CPAMD8: variants seen among roughly 807,000 people sequenced by gnomAD.
CPAMD8 encodes the protein C3 and PZP like alpha-2-macroglobulin domain containing 8, also known as C3 and PZP-like alpha-2-macroglobulin domain-containing protein 8.
CPAMD8 carries 146 observed loss-of-function variants against 224.7 expected under a neutral mutation model. That is an observed-to-expected ratio of 0.65 (90% CI 0.57 to 0.75). The LOEUF is 0.75. Ranked by LOEUF, CPAMD8 falls within the 30% of genes least tolerant of loss-of-function variation. The probability of loss-of-function intolerance (pLI) is 0.00; values close to 1 mark genes in which losing one functional copy is unlikely to be tolerated. For missense variants in CPAMD8, 2,301 were observed against 2,537.5 expected (o/e 0.91, Z 2.00); for synonymous variants, 966 against 1,044.6 (o/e 0.92, Z 1.45).
chr19:16,977,056 A>G (rs2055303245), intron 15 of CPAMD8, among the ~76,000 whole-genome samples: 2 of 150,134 alleles, frequency 1.3e-5, no homozygotes. Context: ...TAATAATAAT[A>G]ATAATAAAGT....
chr19:16,973,146 G>C (rs147598754), intron 17 of CPAMD8, among the ~76,000 whole-genome samples: 1 of 152,146 alleles, frequency 6.6e-6, no homozygotes, highest in Admixed American at 6.6e-5. Context: ...ACCAGCCTGG[G>C]TGACAAAGTG....
rs532881476 is a variant in CPAMD8 at position 16,943,134 on chromosome 19, GC to G, written c.2793+2414del. Among the ~76,000 whole-genome samples, 145 of 150,672 alleles carry G rather than the reference GC, an allele frequency of 9.6e-4. No homozygotes were observed. The Middle Eastern group carries it at 0.01, about 11-fold the overall frequency. ...GGACTCAAGCAATCCTCCCTCCTCAGCCTCCTGAGGAGCTGGGACTACAGGT... is the reference window on the plus strand; with the variant it reads ...GGACTCAAGCAATCCTCCCTCCTCAGCTCCTGAGGAGCTGGGACTACAGGT... On this transcript the variant is annotated intron_variant, in intron 22 of 41. Coordinates refer to ENST00000443236, the MANE Select transcript of CPAMD8 (RefSeq NM_015692.5).
In CPAMD8 at chr19:16,962,736, A is replaced by G. The variant is rs533937585; in HGVS notation, c.2214-4821T>C. On this transcript the variant is annotated intron_variant, in intron 18 of 41. Transcript: ENST00000443236. ...AGGAAGAGCAACCCCAAGACACATA[A>G]TTGTCAGATTCACCAAAGTTGAAAT... Among the ~76,000 whole-genome samples, 25 of 152,340 alleles carry G rather than the reference A, an allele frequency of 1.6e-4. No individual in the cohort carries two copies. In the South Asian group the frequency reaches 5.2e-3, roughly 32 times the overall value.
chr19:16,966,306 T>G (rs2054825876), intron 18 of CPAMD8, among the ~76,000 whole-genome samples: 1 of 152,216 alleles, frequency 6.6e-6, no homozygotes, highest in African/African-American at 2.4e-5. Flanking sequence ...AAGCTGAAAC[T>G]GGATCCCTTC....
intron 26 of CPAMD8, 45 bp from the exon 27 acceptor site, chr19:16,922,031 CCCAGGCCCG>C (rs1408130820): frequency 2.2e-6 from 3 of 1,348,000 alleles, no homozygotes; most frequent in Non-Finnish European, 3.1e-6. Flanking sequence ...AGTGGCCTGG[CCCAGGCCCG>C]CCCCCAGGGA....
intron 25 of CPAMD8, among the ~76,000 whole-genome samples, chr19:16,926,834 CT>C: frequency 6.6e-6 from 1 of 152,304 alleles, no homozygotes; most frequent in African/African-American, 2.4e-5. Flanking sequence ...TCAGTTCCAT[CT>C]TAGTCACTCA....
intron 30 of CPAMD8, among the ~76,000 whole-genome samples, chr19:16,906,356 TTCTTTCTTTCTTTCTTTCTTTC>T (rs1401170309): frequency 2.4e-5 from 1 of 42,484 alleles, no homozygotes; most frequent in Non-Finnish European, 5.3e-5. Context: ...CTTTCTTTCT[TTCTTTCTTTCTTTCTTTCTTTC>T]TTTCTTTCTT....
intron 16 of CPAMD8, 99 bp downstream of exon 16, chr19:16,975,903 G>A: frequency 4.8e-6 from 6 of 1,245,696 alleles, no homozygotes; most frequent in Non-Finnish European, 6.4e-6. Flanking sequence ...GGATTCAAAT[G>A]CCACTCTTCA....
In CPAMD8 at chr19:16,893,347, T is replaced by C. The variant is rs1419085301; in HGVS notation, c.5427-8A>G. ...CGAGGCCCGGCTGTGACCCTGGAGA[T>C]GAGGTTTTATCTTACAACATCCTCT... is the stretch of plus-strand genomic sequence containing the variant. On this transcript the variant is annotated splice_polypyrimidine_tract_variant and splice_region_variant and intron_variant, in intron 41 of 41. Transcript: ENST00000443236. 6.6e-7 allele frequency: 1 copy of C among 1,512,214 alleles called. No homozygotes were observed. The highest frequency in any genetic ancestry group is 1.2e-5 in the South Asian group (1 of 83,088). The allele number at this position is 1,512,214 out of a possible 1,614,324, so 93.7% of individuals were successfully genotyped here.
At chr19:16,969,946 C>G (rs2054993608) in intron 18 of CPAMD8, among the ~76,000 whole-genome samples, 2 of 150,358 alleles carry the variant, frequency 1.3e-5, no homozygotes, top group African/African-American at 4.9e-5. Flanking sequence ...TTAAAAACAC[C>G]TATTATTGCC....
At position 16,977,060 on chromosome 19, in the gene CPAMD8, A is replaced by ATAC. The variant is rs1351851494; in HGVS notation, c.1758+307_1758+308insGTA. 6.0e-5 allele frequency among the ~76,000 whole-genome samples: 9 copies of ATAC among 150,806 alleles called. No homozygotes were observed. The East Asian group carries it at 1.8e-3, about 29-fold the overall frequency. ...CCGTCTCAAAATAATAATAATAATAATAAAGTTGTTGCAGGGAGGGGGAGA... is the reference window on the plus strand; with the variant it reads ...CCGTCTCAAAATAATAATAATAATAATACTAAAGTTGTTGCAGGGAGGGGGAGA... On this transcript the variant is annotated intron_variant, in intron 15 of 41. Transcript: ENST00000443236.
chr19:16,907,149 G>A (rs1467184188), intron 29 of CPAMD8, 32 bp from the exon 30 acceptor site: 4 of 1,509,326 alleles, frequency 2.7e-6, no homozygotes, highest in Non-Finnish European at 1.8e-6. Flanking sequence ...TGAAACCTGG[G>A]AGGCTGCTCT....
In CPAMD8 at chr19:16,903,576, G is replaced by A. The variant is rs144798490; in HGVS notation, c.4455C>T (p.Gly1485=). ...TGLFVSAKGD[G]CCLMQIDVTY... ...AAAACCTCACCTGCATCAGGCAGCA[G>A]CCGTCCCCCTTGGCACTCACAAACA... Residue 1485 remains glycine, a synonymous_variant, in exon 34 of 42, where the codon GGC becomes GGT. Coordinates refer to ENST00000443236, the MANE Select transcript of CPAMD8 (RefSeq NM_015692.5). The A allele has an allele frequency of 1.3e-3, 2,074 of 1,614,136 alleles. 22 individuals carry two copies. The South Asian group carries it at 0.014, about 11-fold the overall frequency.
At chr19:17,008,671 G>A (rs757026674) in intron 6 of CPAMD8, 112 bp from the exon 7 acceptor site, 33 of 1,196,090 alleles carry the variant, frequency 2.8e-5, no homozygotes, top group Admixed American at 2.3e-4. Context: ...ACCATGCAGC[G>A]AAGGTCCCAA....
At chr19:16,968,386 G>T (rs1188236971) in intron 18 of CPAMD8, among the ~76,000 whole-genome samples, 2 of 152,128 alleles carry the variant, frequency 1.3e-5, no homozygotes, top group Admixed American at 6.5e-5. Context: ...GCACAAGAAG[G>T]TTCCTGTTTT....
At position 17,022,148 on chromosome 19, in the gene CPAMD8, G is replaced by A. The variant is rs374206836; in HGVS notation, c.126C>T (p.Arg42=). The A allele has an allele frequency of 9.9e-5, 159 of 1,609,820 alleles. No individual in the cohort carries two copies. Among genetic ancestry groups the A allele is most frequent in the African/African-American group, 1.7e-4 (13 of 74,774 alleles). The change falls in exon 2 of 42, where the codon CGC becomes CGT. Residue 42 remains arginine, a synonymous_variant. Coordinates refer to ENST00000443236, the MANE Select transcript of CPAMD8 (RefSeq NM_015692.5). ...GYLIAAPSVF[R]AGVEEVISVT... is the part of the protein sequence containing the mutation. ...CGCTGATGACTTCCTCCACGCCCGC[G>A]CGAAAAACAGAGGGAGCTGCAATCA...
chr19:17,018,246 G>A (rs768287227), intron 3 of CPAMD8, among the ~76,000 whole-genome samples: 7 of 152,198 alleles, frequency 4.6e-5, no homozygotes, highest in South Asian at 4.1e-4. Flanking sequence ...CCCAAATGCC[G>A]CAATTCCAGG....
intron 41 of CPAMD8, chr19:16,895,838 A>G: frequency 2.0e-6 from 1 of 487,854 alleles, no homozygotes; most frequent in South Asian, 1.6e-5. Flanking sequence ...AATCCGAAAC[A>G]CTGCTGGTCC....
intron 2 of CPAMD8, among the ~76,000 whole-genome samples, chr19:17,021,728 CT>C (rs1446628133): frequency 6.6e-6 from 1 of 152,212 alleles, no homozygotes; most frequent in Non-Finnish European, 1.5e-5. Flanking sequence ...TTCAGGTCCC[CT>C]GTCCCACCTC....
Sources: gnomAD v4.1 joint callset for allele counts (sites outside exome capture counted in the v4.1 genomes callset) on GRCh38, gnomAD v4.1.1 for gene constraint, MANE v1.5 for transcripts, NCBI Gene and HGNC (gene_info 2026-07-23, HGNC 2026-07-21) for gene names.